The following PNPLA7 variants were observed in gnomAD, a reference collection of about 807,000 sequenced individuals.
The protein encoded by PNPLA7 is patatin-like phospholipase domain-containing protein 7.
In PNPLA7, 153 loss-of-function variants were observed where a neutral mutation model predicts 161.7. The observed-to-expected ratio is 0.95, with a 90% confidence interval of 0.83 to 1.08. The LOEUF is 1.08. PNPLA7 is among the 50% of genes least tolerant of loss of function. PNPLA7 has a pLI of 0.00. For missense variants in PNPLA7, 1,739 were observed against 1,856.6 expected (o/e 0.94, Z 1.16); for synonymous variants, 809 against 782.1 (o/e 1.03, Z -0.57).
chr9:137,537,134 G>A lies in PNPLA7; in HGVS notation c.747+3508C>T, dbSNP rs376539652. On this transcript the variant is annotated intron_variant, in intron 8 of 34. Coordinates refer to ENST00000406427, the MANE Select transcript of PNPLA7 (RefSeq NM_001098537.3). The surrounding 1 kb of genome is among the most constrained non-coding windows in gnomAD (Gnocchi z 4.5). ...CAGAAGGAACCGAAGCGTTTTCAGT[G>A]TGAGGGGACAGACGGCCACTGTTGA... 1.3e-5 allele frequency among the ~76,000 whole-genome samples: 2 copies of A among 152,370 alleles called. No individual in the cohort carries two copies. The highest frequency in any genetic ancestry group is 2.1e-4 in the South Asian group (1 of 4,834).
At chr9:137,506,138 T>C (rs1564329403) in intron 12 of PNPLA7, 55 bp from the exon 13 acceptor site, 1 of 1,478,812 alleles carries the variant, frequency 6.8e-7, no homozygotes, top group Non-Finnish European at 9.3e-7. Flanking sequence ...GACACAAACG[T>C]CCGCGGTGTG....
Position 137,480,462 on chromosome 9 carries a change from C to T in PNPLA7, c.2430G>A (p.Leu810=), listed in dbSNP as rs1588562562. The part of the protein sequence containing the change: ...AALDSVHEYR[L]SSWLGQQEDT... ...CCTCCTGCTGCCCCAGCCAGCTGGA[C>T]AGCCGGTACTCGTGAACACTGCAGC... Residue 810 remains leucine (L), a synonymous_variant, in exon 23 of 35, where the codon CTG becomes CTA. Coordinates refer to ENST00000406427, the MANE Select transcript of PNPLA7 (RefSeq NM_001098537.3). 9.9e-6 allele frequency: 16 copies of T among 1,611,938 alleles called. No homozygotes were observed. The highest frequency in any genetic ancestry group is 1.0e-5 in the Non-Finnish European group (12 of 1,178,882).
chr9:137,538,329 C>CA (rs1836003084), intron 8 of PNPLA7, among the ~76,000 whole-genome samples: 2 of 151,942 alleles, frequency 1.3e-5, no homozygotes, highest in Admixed American at 1.3e-4. Flanking sequence ...CCAAACAGCT[C>CA]AAAGCGCACC....
intron 8 of PNPLA7, among the ~76,000 whole-genome samples, chr9:137,528,820 C>T (rs550675550): frequency 6.6e-6 from 1 of 152,156 alleles, no homozygotes; most frequent in South Asian, 2.1e-4. Flanking sequence ...CCTGCCTCAG[C>T]CTCCACAGTA....
chr9:137,519,103 A>T (rs1162121498), intron 11 of PNPLA7, among the ~76,000 whole-genome samples: 1 of 151,764 alleles, frequency 6.6e-6, no homozygotes, highest in Non-Finnish European at 1.5e-5. Flanking sequence ...CACTCACTCC[A>T]CTCTGCTCAC....
rs1833109928 is a variant in PNPLA7 at position 137,497,244 on chromosome 9, C to A, written c.1956G>T (p.Lys652Asn). The A allele has an allele frequency of 6.3e-7, 1 of 1,592,654 alleles. No individual in the cohort carries two copies. Among genetic ancestry groups the A allele is most frequent in the Non-Finnish European group, 8.5e-7 (1 of 1,170,608 alleles). The change falls in exon 18 of 35, where the codon AAG becomes AAT. Residue 652 changes from lysine to asparagine, a missense_variant. Coordinates refer to ENST00000406427, the MANE Select transcript of PNPLA7 (RefSeq NM_001098537.3). Reference protein sequence around the residue: ...LSGRLRSVIRKDDGKKRLAGE... With the variant: ...LSGRLRSVIRNDDGKKRLAGE... ...CGGCCAGGCGCTTCTTCCCATCATCCTTCCGGATCACAGAGCGCAGCCGGC... is the reference window on the plus strand; with the variant it reads ...CGGCCAGGCGCTTCTTCCCATCATCATTCCGGATCACAGAGCGCAGCCGGC...
intron 29 of PNPLA7, 53 bp from the exon 30 acceptor site, chr9:137,462,886 G>A: frequency 6.2e-7 from 1 of 1,601,276 alleles, no homozygotes; most frequent in South Asian, 1.1e-5. Flanking sequence ...AGAGCCAGGG[G>A]ACGGGGGCAG....
rs766056386 is a variant in PNPLA7 at position 137,462,694 on chromosome 9, C to T, written c.3483G>A (p.Thr1161=). 33 of 1,613,750 alleles carry T rather than the reference C, an allele frequency of 2.0e-5. No homozygotes were observed. The highest frequency in any genetic ancestry group is 1.9e-4 in the South Asian group (17 of 91,074). ...LLWKRWNPLA[T]KVKVLNMAEI... ...CCCGGTAGCACCCCACCTTGACTTT[C>T]GTGGCCAAGGGGTTCCAGCGTTTCC... is the stretch of plus-strand genomic sequence containing the variant. The change falls in exon 30 of 35, where the codon ACG becomes ACA. Residue 1161 remains threonine, a synonymous_variant. Coordinates refer to ENST00000406427, the MANE Select transcript of PNPLA7 (RefSeq NM_001098537.3).
rs1484117707 is a variant in PNPLA7, at chr9:137,547,813, T to C, written c.31-154A>G. Among the ~76,000 whole-genome samples the C allele has an allele frequency of 6.6e-6, 1 of 152,188 alleles. No homozygotes were observed. The highest frequency in any genetic ancestry group is 1.5e-5 in the Non-Finnish European group (1 of 68,022). On this transcript the variant is annotated intron_variant, in intron 1 of 34. Transcript: ENST00000406427. This position sits in a 1 kb window ranked among gnomAD's most constrained non-coding sequence, Gnocchi z 4.6. The stretch of plus-strand genomic sequence containing the variant: ...GATCTCGCCCGGGGTGCCGGGGTCC[T>C]CTGAGCCCCCTGCTAGGAAGCACTC...
At chr9:137,506,656 C>G (rs924028189) in intron 12 of PNPLA7, among the ~76,000 whole-genome samples, 3 of 152,126 alleles carry the variant, frequency 2.0e-5, no homozygotes, top group African/African-American at 4.8e-5. Context: ...AAGAGCTCCC[C>G]TGTTGCTGCT....
intron 21 of PNPLA7, 144 bp from the exon 22 acceptor site, chr9:137,481,167 TC>T: frequency 1.2e-6 from 1 of 819,714 alleles, no homozygotes; most frequent in Non-Finnish European, 2.0e-6. Context: ...GCAGTGAGAG[TC>T]CACTCCCCAA....
intron 8 of PNPLA7, among the ~76,000 whole-genome samples, chr9:137,533,121 A>G (rs1354772234): frequency 3.3e-5 from 5 of 150,012 alleles, no homozygotes; most frequent in Non-Finnish European, 7.4e-5. Flanking sequence ...GCACCCCTAG[A>G]CTCCTCCCCA....
At chr9:137,495,232 C>G in intron 18 of PNPLA7, 86 bp from the exon 19 acceptor site, 1 of 889,892 alleles carries the variant, frequency 1.1e-6, no homozygotes, top group Non-Finnish European at 1.7e-6. Context: ...CGGTGCCTGC[C>G]AGAGCCACAC....
intron 1 of PNPLA7, among the ~76,000 whole-genome samples, chr9:137,548,475 C>A (rs780784663): frequency 1.3e-5 from 2 of 152,198 alleles, no homozygotes; most frequent in African/African-American, 4.8e-5. Context: ...AAGGGCCGGG[C>A]GCAGTGGCTC....
intron 21 of PNPLA7, among the ~76,000 whole-genome samples, chr9:137,482,599 C>G (rs1309364707): frequency 6.6e-6 from 1 of 152,242 alleles, no homozygotes. Context: ...ATGGCAGCCA[C>G]CTGCAGGGTC....
intron 12 of PNPLA7, chr9:137,509,382 CCGGT>C: frequency 5.7e-6 from 1 of 174,410 alleles, no homozygotes; most frequent in African/African-American, 2.9e-5. Context: ...ATGAGTTTAG[CCGGT>C]ATGAGTGAGT....
chr9:137,508,052 G>T (rs938072024), intron 12 of PNPLA7, among the ~76,000 whole-genome samples: 2 of 151,886 alleles, frequency 1.3e-5, no homozygotes, highest in Non-Finnish European at 2.9e-5. Context: ...AAACCAGCCA[G>T]GTGTGGGGGC....
At chr9:137,507,193 C>T (rs1023637485) in intron 12 of PNPLA7, among the ~76,000 whole-genome samples, 2 of 152,246 alleles carry the variant, frequency 1.3e-5, no homozygotes, top group Non-Finnish European at 2.9e-5. Flanking sequence ...CTCATGCCCC[C>T]GTCAAGTCCT....
chr9:137,550,050 G>T (rs895149939), intron 1 of PNPLA7, 118 bp downstream of exon 1: 37 of 1,261,232 alleles, frequency 2.9e-5, no homozygotes, highest in Non-Finnish European at 3.7e-5. Flanking sequence ...GTCCTCAGGC[G>T]CCAAGAAGCC....
Sources: gnomAD v4.1 joint callset for allele counts (sites outside exome capture counted in the v4.1 genomes callset) on GRCh38, gnomAD v4.1.1 for gene constraint, Gnocchi (gnomAD v3.1) non-coding constraint, MANE v1.5 for transcripts, NCBI Gene and HGNC (gene_info 2026-07-23, HGNC 2026-07-21) for gene names.